The following MAF variants were observed in gnomAD, a reference collection of about 807,000 sequenced individuals.
The protein encoded by MAF is MAF bZIP transcription factor, also known as transcription factor Maf.
In MAF, 10 loss-of-function variants were observed where a neutral mutation model predicts 22.0. The observed-to-expected ratio is 0.45, with a 90% CI of 0.28 to 0.77. The LOEUF (loss-of-function observed/expected upper bound fraction) is 0.77. MAF is among the 30% of genes least tolerant of loss of function. The pLI is 0.12. For missense variants in MAF, 544 were observed against 548.4 expected (o/e 0.99, Z 0.08); for synonymous variants, 337 against 255.8 (o/e 1.32, Z -3.03).
the MAF span, among the ~76,000 whole-genome samples, chr16:79,311,344 T>A: frequency 6.6e-6 from 1 of 152,118 alleles, no homozygotes; most frequent in Admixed American, 6.5e-5. Context: ...CTTTCCTACT[T>A]CTTTTTTGAA....
chr16:79,299,847 G>A, the MAF span, among the ~76,000 whole-genome samples: 4 of 152,114 alleles, frequency 2.6e-5, no homozygotes, highest in Non-Finnish European at 4.4e-5. Flanking sequence ...TATTTAAAAG[G>A]CTTTATCCTT....
chr16:79,333,599 G>A, the MAF span, among the ~76,000 whole-genome samples: 1 of 152,216 alleles, frequency 6.6e-6, no homozygotes, highest in African/African-American at 2.4e-5. Context: ...ATTTGATACT[G>A]AGTTACATTT....
the MAF span, among the ~76,000 whole-genome samples, chr16:79,515,083 G>A: frequency 4.6e-5 from 7 of 152,180 alleles, no homozygotes; most frequent in South Asian, 2.1e-4. Flanking sequence ...CAGAAAAAAT[G>A]TCTACCTCAT....
chr16:79,215,765 G>A, the MAF span, among the ~76,000 whole-genome samples: 1 of 152,166 alleles, frequency 6.6e-6, no homozygotes, highest in African/African-American at 2.4e-5. Context: ...AAGGTTTAAA[G>A]TAAACCCCTC....
At chr16:79,420,007 T>C in the MAF span, among the ~76,000 whole-genome samples, 1 of 151,722 alleles carries the variant, frequency 6.6e-6, no homozygotes, top group Non-Finnish European at 1.5e-5. Context: ...ACACACGGTT[T>C]TTTTTTTTCT....
chr16:79,553,191 G>C, the MAF span, among the ~76,000 whole-genome samples: 1 of 152,178 alleles, frequency 6.6e-6, no homozygotes, highest in South Asian at 2.1e-4. Context: ...GCTCTGCCTC[G>C]GCAACAGCTC....
At chr16:79,241,044 CA>C in the MAF span, among the ~76,000 whole-genome samples, 10 of 152,084 alleles carry the variant, frequency 6.6e-5, no homozygotes, top group African/African-American at 2.4e-4. Context: ...ATGTCACCAA[CA>C]TCAAAGACCA....
chr16:79,465,536 G>C, the MAF span, among the ~76,000 whole-genome samples: 1 of 152,120 alleles, frequency 6.6e-6, no homozygotes, highest in African/African-American at 2.4e-5. Context: ...GAGTTGCAGT[G>C]AGCCGTGATC....
chr16:79,506,249 A>G, the MAF span, among the ~76,000 whole-genome samples: 7 of 152,214 alleles, frequency 4.6e-5, no homozygotes, highest in East Asian at 1.9e-4. Flanking sequence ...CAGGACATAC[A>G]TCTGAAATGG....
chr16:79,562,833 C>A, the MAF span, among the ~76,000 whole-genome samples: 8 of 152,208 alleles, frequency 5.3e-5, no homozygotes, highest in Admixed American at 5.2e-4. Context: ...GGTTATGAGA[C>A]CGTCATACTT....
chr16:79,483,683 G>A, the MAF span, among the ~76,000 whole-genome samples: 1 of 152,152 alleles, frequency 6.6e-6, no homozygotes, highest in African/African-American at 2.4e-5. Context: ...GAGGTTAAGG[G>A]TTCATGTAGC....
the MAF span, among the ~76,000 whole-genome samples, chr16:79,230,232 G>A: frequency 6.6e-5 from 10 of 152,224 alleles, no homozygotes; most frequent in East Asian, 1.9e-3. Context: ...CGTGGTTATG[G>A]CAAGGGAAGC....
At chr16:79,498,860 A>G in the MAF span, among the ~76,000 whole-genome samples, 7 of 152,126 alleles carry the variant, frequency 4.6e-5, 1 homozygote, top group Non-Finnish European at 8.8e-5. Context: ...CCATTCTTAA[A>G]ACCTCTCCTC....
chr16:79,431,942 TC>T, the MAF span, among the ~76,000 whole-genome samples: 1 of 152,120 alleles, frequency 6.6e-6, no homozygotes, highest in Non-Finnish European at 1.5e-5. Flanking sequence ...GTATAGTAGT[TC>T]CCCCATATCC....
the MAF span, among the ~76,000 whole-genome samples, chr16:79,219,188 G>C: frequency 6.6e-5 from 10 of 152,158 alleles, no homozygotes; most frequent in African/African-American, 2.4e-4. Context: ...GATGAGGGAG[G>C]CTCTGTGTCT....
chr16:79,216,568 G>A, the MAF span, among the ~76,000 whole-genome samples: 2 of 152,134 alleles, frequency 1.3e-5, no homozygotes, highest in South Asian at 4.1e-4. Context: ...GTGTTAAATG[G>A]TTGTGTTAAA....
At chr16:79,212,243 G>GATCCAGGAGATAATTGT in the MAF span, 1 of 1,339,436 alleles carries the variant, frequency 7.5e-7, no homozygotes, top group Non-Finnish European at 9.9e-7. Context: ...TTGCTGCATT[G>GATCCAGGAGATAATTGT]ATCCAGGAGA....
chr16:79,510,388 C>A, the MAF span, among the ~76,000 whole-genome samples: 1 of 152,228 alleles, frequency 6.6e-6, no homozygotes, highest in African/African-American at 2.4e-5. Context: ...TGTTTTCTAA[C>A]TGGTCCTGGA....
chr16:79,413,238 T>C, the MAF span, among the ~76,000 whole-genome samples: 1 of 52,304 alleles, frequency 1.9e-5, no homozygotes, highest in Non-Finnish European at 3.8e-5. Context: ...TTTTTTTTTT[T>C]TTTTTTTTTT....
Sources: gnomAD v4.1 joint callset for allele counts (sites outside exome capture counted in the v4.1 genomes callset) on GRCh38, gnomAD v4.1.1 for gene constraint, MANE v1.5 for transcripts, NCBI Gene and HGNC (gene_info 2026-07-23, HGNC 2026-07-21) for gene names.